The following RAI14 variants were observed in gnomAD, a reference collection of about 807,000 sequenced individuals.
The protein encoded by RAI14 is ankycorbin.
Under a neutral mutation model 115.4 loss-of-function variants are expected in RAI14, and 45 were observed. The observed-to-expected ratio is 0.39, with a 90% CI of 0.31 to 0.50. The LOEUF (loss-of-function observed/expected upper bound fraction) is 0.50. RAI14 is among the 20% of genes least tolerant of loss of function. The probability of loss-of-function intolerance (pLI) is 0.85; values close to 1 mark genes in which losing one functional copy is unlikely to be tolerated. For missense variants in RAI14, 939 were observed against 1,131.2 expected (o/e 0.83, Z 2.44); for synonymous variants, 371 against 415.4 (o/e 0.89, Z 1.30).
chr5:34,811,161 C>T (rs990903780), intron 8 of RAI14, 43 bp downstream of exon 8: 17 of 1,580,816 alleles, frequency 1.1e-5, no homozygotes, highest in Non-Finnish European at 1.4e-5. Flanking sequence ...TCAGTGATAC[C>T]CACATTCTGA....
At chr5:34,776,498 A>G (rs998922220) in intron 3 of RAI14, among the ~76,000 whole-genome samples, 5 of 152,176 alleles carry the variant, frequency 3.3e-5, no homozygotes, top group African/African-American at 9.7e-5. Flanking sequence ...GATTATTCAC[A>G]TTGTATACCT....
intron 2 of RAI14, among the ~76,000 whole-genome samples, chr5:34,734,250 G>T (rs1374702214): frequency 6.6e-6 from 1 of 152,226 alleles, no homozygotes; most frequent in Non-Finnish European, 1.5e-5. Context: ...GTGAACTGGG[G>T]GGGCTGGGGT....
intron 3 of RAI14, among the ~76,000 whole-genome samples, chr5:34,762,237 G>C (rs1748747254): frequency 6.6e-6 from 1 of 152,124 alleles, no homozygotes; most frequent in Admixed American, 6.6e-5. Context: ...GAATTCTTCT[G>C]GTGAACATCA....
chr5:34,785,561 C>G (rs1004752858), intron 3 of RAI14, among the ~76,000 whole-genome samples: 3 of 152,102 alleles, frequency 2.0e-5, no homozygotes, highest in African/African-American at 7.2e-5. Context: ...CCAACTCCAG[C>G]TATGTTAAAT....
chr5:34,663,215 A>G (rs1458822436), intron 1 of RAI14, among the ~76,000 whole-genome samples: 2 of 152,166 alleles, frequency 1.3e-5, no homozygotes, highest in Non-Finnish European at 2.9e-5. Context: ...TCTAATCAGT[A>G]TTTTAAAAAG....
chr5:34,812,265 A>C (rs1755692429), intron 10 of RAI14, 57 bp downstream of exon 10: 5 of 1,471,502 alleles, frequency 3.4e-6, no homozygotes, highest in Non-Finnish European at 4.7e-6. Context: ...GAATTTAAAA[A>C]TGTTCAGATT....
In RAI14 at chr5:34,829,504, G is replaced by T. The variant is rs937567003; in HGVS notation, c.2800-228G>T. ...GGTGATAATAACTCCTTTTTATACA[G>T]TTTTTTCTAGAGTTGACATACCAAG... is the stretch of plus-strand genomic sequence containing the variant. On this transcript the variant is annotated intron_variant, in intron 16 of 17. Transcript: ENST00000265109. 6.6e-5 allele frequency among the ~76,000 whole-genome samples: 10 copies of T among 152,192 alleles called. No individual in the cohort carries two copies. In the East Asian group the frequency reaches 1.4e-3, roughly 21 times the overall value.
intron 8 of RAI14, 103 bp from the exon 9 acceptor site, chr5:34,811,664 A>C: frequency 9.7e-7 from 1 of 1,031,772 alleles, no homozygotes; most frequent in Non-Finnish European, 1.4e-6. Flanking sequence ...TAAAGGTTTA[A>C]CTGCACTTAA....
chr5:34,711,916 T>G (rs1027481126), intron 2 of RAI14, among the ~76,000 whole-genome samples: 1 of 152,224 alleles, frequency 6.6e-6, no homozygotes, highest in African/African-American at 2.4e-5. Context: ...TATTCTATTT[T>G]TTTTCCTTTT....
chr5:34,757,685 A>G, intron 3 of RAI14, 87 bp downstream of exon 3: 1 of 1,448,552 alleles, frequency 6.9e-7, no homozygotes. Flanking sequence ...GGGGAATTTC[A>G]CACGTGCTCC....
intron 2 of RAI14, among the ~76,000 whole-genome samples, chr5:34,723,850 A>G (rs902245668): frequency 1.3e-5 from 2 of 152,206 alleles, no homozygotes; most frequent in Admixed American, 6.5e-5. Flanking sequence ...TATAAGCATT[A>G]CGTGTGATAT....
chr5:34,725,639 G>C (rs928762423), intron 2 of RAI14, among the ~76,000 whole-genome samples: 2 of 151,848 alleles, frequency 1.3e-5, no homozygotes, highest in Admixed American at 6.6e-5. Context: ...TGAACATGAA[G>C]AATACGTCAC....
chr5:34,747,532 A>G (rs1328411097), intron 2 of RAI14, among the ~76,000 whole-genome samples: 2 of 152,208 alleles, frequency 1.3e-5, no homozygotes, highest in East Asian at 1.9e-4. Flanking sequence ...AAACACACAC[A>G]TACTCTCTCA....
At chr5:34,820,865 C>A (rs904448135) in intron 13 of RAI14, among the ~76,000 whole-genome samples, 7 of 152,122 alleles carry the variant, frequency 4.6e-5, no homozygotes, top group Non-Finnish European at 1.0e-4. Flanking sequence ...CTGTGGGATT[C>A]AGAGAAGAGA....
intron 3 of RAI14, among the ~76,000 whole-genome samples, chr5:34,762,929 ATGTGTGTGTGTG>A (rs34495404): frequency 0.022 from 2,776 of 129,100 alleles, 64 homozygotes; most frequent in African/African-American, 0.066. Flanking sequence ...GAGTGTGTGC[ATGTGTGTGTGTG>A]TGTGTGTGTG....
chr5:34,710,103 T>G (rs1052957452), intron 2 of RAI14, among the ~76,000 whole-genome samples: 1 of 152,178 alleles, frequency 6.6e-6, no homozygotes, highest in African/African-American at 2.4e-5. Flanking sequence ...CCAATTGTAT[T>G]CATTTGTTAG....
rs775991905 is a variant in RAI14 at position 34,796,028 on chromosome 5, G to T, written c.256+1G>T. The T allele has an allele frequency of 6.2e-7, 1 of 1,604,940 alleles. No homozygotes were observed. The highest frequency in any genetic ancestry group is 8.5e-7 in the Non-Finnish European group (1 of 1,172,274). On this transcript the variant is annotated splice_donor_variant, in intron 4 of 17. Coordinates refer to ENST00000265109, the MANE Select transcript of RAI14 (RefSeq NM_015577.3). LOFTEE classifies it high-confidence loss of function. ...GATGTGACAGCCCAAGATACTACCG[G>T]TATGTGGTTTTTAGTCTCTTAAGTC... is the stretch of plus-strand genomic sequence containing the variant.
chr5:34,781,395 T>C (rs983324218), intron 3 of RAI14, among the ~76,000 whole-genome samples: 3 of 152,114 alleles, frequency 2.0e-5, no homozygotes, highest in African/African-American at 4.8e-5. Context: ...AGTAAAAGCT[T>C]ATGTAGAGAC....
chr5:34,716,528 A>G (rs1281620240), intron 2 of RAI14, among the ~76,000 whole-genome samples: 1 of 151,682 alleles, frequency 6.6e-6, no homozygotes, highest in African/African-American at 2.4e-5. Flanking sequence ...TTCTCCTGCC[A>G]CGGCCTCCCA....
Sources: allele counts gnomAD v4.1 joint callset (sites outside exome capture counted in the v4.1 genomes callset), GRCh38; gene constraint gnomAD v4.1.1; transcripts MANE v1.5; gene names NCBI Gene and HGNC (gene_info 2026-07-23, HGNC 2026-07-21).